The following AKAP13 variants were observed in gnomAD, a reference collection of about 807,000 sequenced individuals.
AKAP13 encodes A-kinase anchor protein 13.
In AKAP13, 80 loss-of-function variants were observed where a neutral mutation model predicts 264.5. The ratio of observed to expected loss-of-function variants is 0.30; its 90% CI spans 0.25 to 0.36. The LOEUF is 0.36. Among genes scored for constraint, AKAP13 ranks in the 10% least tolerant of loss-of-function variants. AKAP13 has a pLI of 1.00. For missense variants in AKAP13, 3,712 were observed against 3,435.2 expected (o/e 1.08, Z -2.01); for synonymous variants, 1,380 against 1,250.2 (o/e 1.10, Z -2.19).
chr15:85,704,261 G>T (rs1026556173), intron 17 of AKAP13, among the ~76,000 whole-genome samples: 2 of 152,176 alleles, frequency 1.3e-5, no homozygotes, highest in Non-Finnish European at 2.9e-5. Context: ...CCCAAAGGTG[G>T]CTCGTTTCTG....
rs1248375451 is a variant in AKAP13 at position 85,664,608 on chromosome 15, G to T, written c.4845G>T (p.Lys1615Asn). 6.2e-7 allele frequency: 1 copy of T among 1,613,604 alleles called. No individual in the cohort carries two copies. The highest frequency in any genetic ancestry group is 1.7e-5 in the Admixed American group (1 of 59,964). The change falls in exon 13 of 37, where the codon AAG (lysine) becomes AAT (asparagine). Residue 1615 changes from lysine (K) to asparagine (N), a missense_variant. Transcript: ENST00000394518. ...CAGGAGGAGCTGGTGTCGGAAACAA[G>T]CCATCCTCATCTCTAGAAGTAAGCT... ...GLTGGAGVGN[K>N]PSSSLEVSSA...
chr15:85,454,950 C>T (rs528112289), intron 1 of AKAP13, among the ~76,000 whole-genome samples: 1 of 152,312 alleles, frequency 6.6e-6, no homozygotes, highest in South Asian at 2.1e-4. Flanking sequence ...CCAAAAATCA[C>T]AATTCCTTTC....
intron 1 of AKAP13, among the ~76,000 whole-genome samples, chr15:85,393,300 A>C (rs928943407): frequency 6.6e-6 from 1 of 152,214 alleles, no homozygotes; most frequent in African/African-American, 2.4e-5. Context: ...TTTGGGAGTT[A>C]TTTGGGGAAA....
chr15:85,700,752 T>A (rs1397238859), intron 17 of AKAP13, among the ~76,000 whole-genome samples: 1 of 152,202 alleles, frequency 6.6e-6, no homozygotes, highest in Non-Finnish European at 1.5e-5. Flanking sequence ...AGCCTACCTA[T>A]TCATTTGTAT....
At position 85,727,168 on chromosome 15, in the gene AKAP13, G is replaced by A. The variant is rs749560648; in HGVS notation, c.6925G>A (p.Glu2309Lys). The A allele has an allele frequency of 6.2e-7, 1 of 1,614,234 alleles. No individual in the cohort carries two copies. Among genetic ancestry groups the A allele is most frequent in the South Asian group, 1.1e-5 (1 of 91,084 alleles). Residue 2309 changes from glutamate (E) to lysine (K), a missense_variant, in exon 28 of 37, where the codon GAG (glutamate) becomes AAG (lysine). By Grantham distance (56) the Glu-to-Lys change is moderately conservative. Around this residue, in one of 3 missense-constraint regions of AKAP13, gnomAD observed 342 missense variants for 484.3 expected, o/e 0.71. Coordinates refer to ENST00000394518, the MANE Select transcript of AKAP13 (RefSeq NM_007200.5). This position sits in a 1 kb window ranked among gnomAD's most constrained non-coding sequence, Gnocchi z 5.3. ...GATCAGCATGGGGATGACAGATCCA[G>A]AGATGGTAGAAGTCCATGCCAGCTC... Reference protein sequence around the residue: ...FLISMGMTDPEMVEVHASSKE... With the variant: ...FLISMGMTDPKMVEVHASSKE...
chr15:85,728,489 G>C (rs990926908), intron 29 of AKAP13, among the ~76,000 whole-genome samples: 1 of 152,204 alleles, frequency 6.6e-6, no homozygotes, highest in Non-Finnish European at 1.5e-5. Context: ...AGGTACAACA[G>C]ATGCAAAGAT....
rs186628269 is a variant in AKAP13 at position 85,735,129 on chromosome 15, C to T, written c.7420C>T (p.His2474Tyr). 3.1e-6 allele frequency: 5 copies of T among 1,613,946 alleles called. No individual in the cohort carries two copies. The East Asian group carries it at 1.1e-4, about 36-fold the overall frequency. ...AGAGACCTTTGGAGGATTTGACAGC[C>T]ATCAGATGAATGCTTCAAAAGGTAA... ...RAETFGGFDS[H>Y]QMNASKGGEK... The change falls in exon 31 of 37, where the codon CAT becomes TAT. Residue 2474 changes from histidine to tyrosine, a missense_variant. Physicochemically the swap from His to Tyr is moderately conservative, Grantham distance 83. This residue lies in a region of AKAP13 where 611 missense variants were observed against 539.3 expected (regional missense o/e 1.13). Transcript: ENST00000394518.
intron 5 of AKAP13, among the ~76,000 whole-genome samples, chr15:85,563,347 TTTTTTTTA>T (rs551493389): frequency 0.078 from 11,105 of 142,940 alleles, 798 homozygotes; most frequent in African/African-American, 0.18. Flanking sequence ...TTTTTTTTTT[TTTTTTTTA>T]AAGACGGAGA....
intron 5 of AKAP13, among the ~76,000 whole-genome samples, chr15:85,570,958 G>GT (rs1049805006): frequency 2.4e-3 from 341 of 143,572 alleles, no homozygotes; most frequent in African/African-American, 4.1e-3. Context: ...TGTTGTTGTT[G>GT]TTTTTTTTTT....
intron 17 of AKAP13, among the ~76,000 whole-genome samples, chr15:85,694,015 G>A (rs1444370078): frequency 6.6e-6 from 1 of 152,186 alleles, no homozygotes; most frequent in Admixed American, 6.5e-5. Context: ...AGGATGAGGA[G>A]CATCTGCACT....
chr15:85,434,806 CG>C (rs2073198223), intron 1 of AKAP13, among the ~76,000 whole-genome samples: 1 of 149,572 alleles, frequency 6.7e-6, no homozygotes, highest in South Asian at 2.1e-4. Flanking sequence ...ACATCCACAC[CG>C]AAAACCCATC....
intron 17 of AKAP13, among the ~76,000 whole-genome samples, chr15:85,700,210 C>T (rs1478028348): frequency 6.6e-6 from 1 of 152,142 alleles, no homozygotes; most frequent in Non-Finnish European, 1.5e-5. Flanking sequence ...CTGTAACTGG[C>T]ATATAATAAA....
chr15:85,638,888 C>T (rs2082183272), intron 8 of AKAP13, among the ~76,000 whole-genome samples: 1 of 151,970 alleles, frequency 6.6e-6, no homozygotes, highest in Admixed American at 6.6e-5. Context: ...TCCTGAGTAG[C>T]TGGGATTACA....
At chr15:85,585,008 A>G (rs1367434178) in intron 7 of AKAP13, among the ~76,000 whole-genome samples, 1 of 152,244 alleles carries the variant, frequency 6.6e-6, no homozygotes, top group Non-Finnish European at 1.5e-5. Flanking sequence ...TGGTCAGGTA[A>G]CAAAAACCAC....
intron 10 of AKAP13, among the ~76,000 whole-genome samples, chr15:85,650,777 AAAAAAAAAAAAAACAAC>A (rs1567175437): frequency 8.4e-5 from 12 of 143,548 alleles, no homozygotes; most frequent in South Asian, 2.2e-4. Context: ...AAAAAAAAAA[AAAAAAAAAAAAAACAAC>A]AAAAACTGCA....
chr15:85,729,116 T>C (rs190512600), intron 29 of AKAP13, among the ~76,000 whole-genome samples: 6 of 152,114 alleles, frequency 3.9e-5, no homozygotes, highest in East Asian at 3.9e-4. Flanking sequence ...CTGACCAACA[T>C]GGTGAAACCC....
At chr15:85,434,695 C>T (rs979317328) in intron 1 of AKAP13, among the ~76,000 whole-genome samples, 1 of 152,076 alleles carries the variant, frequency 6.6e-6, no homozygotes, top group Non-Finnish European at 1.5e-5. Context: ...TGGGAGGTAC[C>T]CCCCAGCAGG....
chr15:85,562,598 T>A (rs2078429196), intron 5 of AKAP13, among the ~76,000 whole-genome samples: 4 of 137,130 alleles, frequency 2.9e-5, no homozygotes, highest in African/African-American at 5.3e-5. Flanking sequence ...TATATATATA[T>A]ATATATATCT....
chr15:85,527,698 A>G (rs1463848660), intron 3 of AKAP13, among the ~76,000 whole-genome samples: 1 of 152,236 alleles, frequency 6.6e-6, no homozygotes, highest in Non-Finnish European at 1.5e-5. Flanking sequence ...TTTTACACAT[A>G]TACCAAATTT....
Sources: allele counts gnomAD v4.1 joint callset (sites outside exome capture counted in the v4.1 genomes callset), GRCh38; gene constraint gnomAD v4.1.1; regional missense constraint gnomAD v4.1.1; non-coding constraint Gnocchi (gnomAD v3.1); transcripts MANE v1.5; gene names NCBI Gene and HGNC (gene_info 2026-07-23, HGNC 2026-07-21).